ATF7IP: variants seen among roughly 807,000 people sequenced by gnomAD.
The protein encoded by ATF7IP is activating transcription factor 7 interacting protein.
Under a neutral mutation model 106.4 loss-of-function variants are expected in ATF7IP, and 23 were observed. That is an observed-to-expected ratio of 0.22 (90% CI 0.16 to 0.31). The LOEUF (loss-of-function observed/expected upper bound fraction) is 0.31, where lower values mean the gene tolerates loss of function less well. Among genes scored for constraint, ATF7IP ranks in the 10% least tolerant of loss-of-function variants. The pLI, the probability that ATF7IP is intolerant of heterozygous loss-of-function variation, is 1.00. For synonymous variants in ATF7IP, 542 were observed against 539.0 expected, an observed-to-expected ratio of 1.01 and a Z score of -0.08; for missense variants, 1,334 against 1,524.3, an observed-to-expected ratio of 0.88 and a Z score of 2.08.
chr12:14,422,312 TACACACACACACACAC>T lies in ATF7IP; in HGVS notation c.-7-1567_-7-1552del, dbSNP rs59503201. ...AGCACAACTTACCAAAAAAAGAGAATACACACACACACACACACACACACACACACACACACACACA... is the reference window on the plus strand; with the variant it reads ...AGCACAACTTACCAAAAAAAGAGAATACACACACACACACACACACACACA... On this transcript the variant is annotated intron_variant, in intron 1 of 14. Coordinates refer to ENST00000261168, the MANE Select transcript of ATF7IP (RefSeq NM_018179.5). Among the ~76,000 whole-genome samples, 122 of 142,336 alleles carry T rather than the reference TACACACACACACACAC, an allele frequency of 8.6e-4. 1 individual carries two copies. The highest frequency in any genetic ancestry group is 1.7e-3 in the African/African-American group (65 of 38,380). The allele number at this position is 142,336 out of a possible 152,430, so 93.4% of individuals were successfully genotyped here.
intron 1 of ATF7IP, among the ~76,000 whole-genome samples, chr12:14,402,065 C>A (rs1940247881): frequency 7.3e-6 from 1 of 137,196 alleles, no homozygotes; most frequent in Non-Finnish European, 1.6e-5. Flanking sequence ...GTGGAATTTT[C>A]TTTTTTTTTT....
intron 10 of ATF7IP, among the ~76,000 whole-genome samples, chr12:14,473,290 C>CTGTATGTG (rs1555135613): frequency 3.1e-5 from 4 of 129,938 alleles, no homozygotes; most frequent in African/African-American, 1.2e-4. Context: ...CTCTCTCTCT[C>CTGTATGTG]TGTGTGTGTG....
intron 12 of ATF7IP, among the ~76,000 whole-genome samples, chr12:14,479,761 A>C (rs1345949701): frequency 6.6e-6 from 1 of 152,050 alleles, no homozygotes; most frequent in Non-Finnish European, 1.5e-5. Context: ...TCCAGGCAAA[A>C]GAATGTGCCT....
In ATF7IP at chr12:14,478,512, C is replaced by T. The variant is rs756173528; in HGVS notation, c.3097+40C>T. 2.1e-5 allele frequency: 33 copies of T among 1,607,904 alleles called. 1 individual carries two copies. In the South Asian group the frequency reaches 3.6e-4, roughly 18 times the overall value. On this transcript the variant is annotated intron_variant, in intron 12 of 14. Transcript: ENST00000261168. ...TCATTGAGTAGAAGCTTTGGTTTTG[C>T]CTGTAGAGAACTATGACTATGGAGT...
At chr12:14,491,945 A>AC (rs1944839580) in intron 13 of ATF7IP, among the ~76,000 whole-genome samples, 3 of 152,192 alleles carry the variant, frequency 2.0e-5, no homozygotes, top group Non-Finnish European at 4.4e-5. Context: ...TGCATCTTTC[A>AC]CGTCCTTGAT....
intron 12 of ATF7IP, among the ~76,000 whole-genome samples, chr12:14,480,072 AAGTT>A (rs1944386358): frequency 1.3e-5 from 2 of 152,266 alleles, no homozygotes; most frequent in African/African-American, 4.8e-5. Flanking sequence ...CTCACATCGA[AAGTT>A]AGTATCTGTA....
chr12:14,448,238 G>A (rs1053404896), intron 6 of ATF7IP, among the ~76,000 whole-genome samples: 1 of 152,038 alleles, frequency 6.6e-6, no homozygotes, highest in Non-Finnish European at 1.5e-5. Context: ...ATAGTACATA[G>A]AGCCCTATGA....
At chr12:14,375,264 A>C (rs1400784634) in intron 1 of ATF7IP, among the ~76,000 whole-genome samples, 1 of 152,044 alleles carries the variant, frequency 6.6e-6, no homozygotes, top group South Asian at 2.1e-4. Flanking sequence ...TACCCACATG[A>C]TGAATTGTCA....
chr12:14,423,371 C>T (rs1432583856), intron 1 of ATF7IP, among the ~76,000 whole-genome samples: 1 of 151,822 alleles, frequency 6.6e-6, no homozygotes, highest in Non-Finnish European at 1.5e-5. Flanking sequence ...AATATTTTCT[C>T]CCATTGTTGT....
chr12:14,391,567 G>A lies in ATF7IP; in HGVS notation c.-8+25740G>A, dbSNP rs190755979. 8.5e-5 allele frequency among the ~76,000 whole-genome samples: 13 copies of A among 152,298 alleles called. No homozygotes were observed. In the East Asian group the frequency reaches 2.1e-3, roughly 25 times the overall value. ...CCCTGATCATTAAATGAGATGGGTC[G>A]TTGGAAGAACACCAACTTTGAGTCA... On this transcript the variant is annotated intron_variant, in intron 1 of 14. Transcript: ENST00000261168.
intron 11 of ATF7IP, among the ~76,000 whole-genome samples, chr12:14,476,999 A>G (rs1034468831): frequency 1.8e-4 from 27 of 152,160 alleles, no homozygotes; most frequent in African/African-American, 6.3e-4. Flanking sequence ...TTACTATGCT[A>G]ATTTATAATG....
intron 2 of ATF7IP, among the ~76,000 whole-genome samples, chr12:14,426,890 A>G (rs1299022439): frequency 2.0e-5 from 3 of 150,418 alleles, no homozygotes; most frequent in South Asian, 2.1e-4. Flanking sequence ...AACTAAACCT[A>G]TATAAAGAGA....
chr12:14,427,881 C>T (rs1565503030), intron 2 of ATF7IP, among the ~76,000 whole-genome samples: 1 of 151,994 alleles, frequency 6.6e-6, no homozygotes, highest in Non-Finnish European at 1.5e-5. Context: ...ACAGTAAGTG[C>T]CCAGTAAATA....
At chr12:14,381,665 C>T (rs1939007057) in intron 1 of ATF7IP, among the ~76,000 whole-genome samples, 1 of 151,948 alleles carries the variant, frequency 6.6e-6, no homozygotes, top group African/African-American at 2.4e-5. Flanking sequence ...TCTAACATGC[C>T]TTTTAGATTT....
At chr12:14,407,373 T>C (rs1940648694) in intron 1 of ATF7IP, among the ~76,000 whole-genome samples, 1 of 152,164 alleles carries the variant, frequency 6.6e-6, no homozygotes, top group Non-Finnish European at 1.5e-5. Context: ...TTTTTTCTTT[T>C]TGTTTTCTCT....
chr12:14,434,404 T>C lies in ATF7IP; in HGVS notation c.1626T>C (p.Asp542=), dbSNP rs769696154. ...AAGAGCAAGTAATACATGAAGATGA[T>C]GAAAGACCTTCTGAGAAAAGTATGC... ...EEEEQVIHED[D]ERPSEKNEFS... Residue 542 remains aspartate, a synonymous_variant, in exon 3 of 15, where the codon GAT becomes GAC. Coordinates refer to ENST00000261168, the MANE Select transcript of ATF7IP (RefSeq NM_018179.5). 1 of 1,582,970 alleles carries C rather than the reference T, an allele frequency of 6.3e-7. No homozygotes were observed. Among genetic ancestry groups the C allele is most frequent in the East Asian group, 2.3e-5 (1 of 44,124 alleles).
intron 2 of ATF7IP, among the ~76,000 whole-genome samples, chr12:14,429,204 T>TTGA (rs908710235): frequency 6.6e-5 from 10 of 152,314 alleles, no homozygotes; most frequent in African/African-American, 2.4e-4. Context: ...TGAAATGACA[T>TTGA]TGATGATCAT....
chr12:14,463,855 A>G (rs1157858387), intron 9 of ATF7IP, among the ~76,000 whole-genome samples: 1 of 152,194 alleles, frequency 6.6e-6, no homozygotes, highest in Non-Finnish European at 1.5e-5. Flanking sequence ...TGTGGAAGAG[A>G]TGGAGAACTC....
chr12:14,478,052 G>A (rs1177465517), intron 11 of ATF7IP, among the ~76,000 whole-genome samples: 1 of 152,144 alleles, frequency 6.6e-6, no homozygotes, highest in Non-Finnish European at 1.5e-5. Flanking sequence ...TTGACATATT[G>A]TACTGATTTA....
Sources: allele counts gnomAD v4.1 joint callset (sites outside exome capture counted in the v4.1 genomes callset), GRCh38; gene constraint gnomAD v4.1.1; transcripts MANE v1.5; gene names NCBI Gene and HGNC (gene_info 2026-07-23, HGNC 2026-07-21).